WASF3: variants seen among roughly 807,000 people sequenced by gnomAD.
WASF3 encodes WASP family member 3, also known as actin-binding protein WASF3.
Under a neutral mutation model 46.6 loss-of-function variants are expected in WASF3, and 11 were observed. That is an observed-to-expected ratio of 0.24 (90% CI 0.15 to 0.39). The LOEUF is 0.39. Among genes scored for constraint, WASF3 ranks in the 10% least tolerant of loss-of-function variants. WASF3 has a pLI of 1.00. For missense variants in WASF3, 576 were observed against 669.8 expected, an observed-to-expected ratio of 0.86 and a Z score of 1.55; for synonymous variants, 242 against 259.7, an observed-to-expected ratio of 0.93 and a Z score of 0.65.
At chr13:26,617,419 C>G (rs1881168109) in intron 2 of WASF3, among the ~76,000 whole-genome samples, 1 of 151,974 alleles carries the variant, frequency 6.6e-6, no homozygotes, top group Non-Finnish European at 1.5e-5. Context: ...TTTTATCACT[C>G]CTAGTTATTT....
chr13:26,639,755 AG>A (rs1463299715), intron 2 of WASF3: 1 of 152,362 alleles, frequency 6.6e-6, no homozygotes, highest in East Asian at 1.9e-4. Flanking sequence ...AGCTTGTTAC[AG>A]TTCCCAAGAG....
Position 26,685,798 on chromosome 13 carries a change from G to T in WASF3, c.1462G>T (p.Asp488Tyr). The T allele has an allele frequency of 6.2e-7, 1 of 1,614,138 alleles. No homozygotes were observed. Among genetic ancestry groups the T allele is most frequent in the African/African-American group, 1.3e-5 (1 of 75,066 alleles). Residue 488 changes from aspartate to tyrosine, a missense_variant, in exon 10 of 10, where the codon GAC (aspartate) becomes TAC (tyrosine). Transcript: ENST00000335327. Reference protein sequence around the residue: ...LSRRIAVEYSDSDDDSEFDEN... With the variant: ...LSRRIAVEYSYSDDDSEFDEN... ...CCGGCGCATTGCCGTGGAGTACAGC[G>T]ACTCTGACGACGACTCAGAGTTCGA...
At chr13:26,592,025 A>C (rs1382997141) in intron 1 of WASF3, among the ~76,000 whole-genome samples, 2 of 73,216 alleles carry the variant, frequency 2.7e-5, no homozygotes, top group Non-Finnish European at 5.4e-5. Flanking sequence ...GGAGCAGGCG[A>C]GTTTTTTTTT....
At chr13:26,627,037 A>G (rs73489399) in intron 2 of WASF3, among the ~76,000 whole-genome samples, 7,513 of 152,270 alleles carry the variant, frequency 0.049, 638 homozygotes, top group African/African-American at 0.17. Context: ...TAGAAAGCAC[A>G]TTGATATGAT....
At chr13:26,583,034 T>C (rs1880030553) in intron 1 of WASF3, among the ~76,000 whole-genome samples, 1 of 152,228 alleles carries the variant, frequency 6.6e-6, no homozygotes, top group Admixed American at 6.5e-5. Context: ...AAGAAATTAA[T>C]GCTAAAGTGG....
intron 1 of WASF3, among the ~76,000 whole-genome samples, chr13:26,565,771 C>T (rs1203362280): frequency 6.6e-6 from 1 of 152,190 alleles, no homozygotes; most frequent in Admixed American, 6.5e-5. Flanking sequence ...CAAAAGTTGG[C>T]ATTGCAATTT....
chr13:26,665,215 G>A, intron 4 of WASF3, 53 bp downstream of exon 4: 1 of 1,591,078 alleles, frequency 6.3e-7, no homozygotes, highest in South Asian at 1.1e-5. Context: ...CAAGATGGTA[G>A]TAATTAATTG....
intron 1 of WASF3, among the ~76,000 whole-genome samples, chr13:26,584,743 C>G (rs1208140770): frequency 1.3e-5 from 2 of 152,098 alleles, no homozygotes; most frequent in Admixed American, 1.3e-4. Flanking sequence ...GATAATTATT[C>G]AGAAATTTTA....
Position 26,682,753 on chromosome 13 carries a change from C to G in WASF3, c.1130C>G (p.Ser377Cys). 1 of 1,613,464 alleles carries G rather than the reference C, an allele frequency of 6.2e-7. No individual in the cohort carries two copies. The highest frequency in any genetic ancestry group is 1.3e-5 in the African/African-American group (1 of 75,036). The stretch of plus-strand genomic sequence containing the variant: ...CCCCCGTTCCCTGCATCAGCCAGCT[C>G]CACGCACGCAGCTCCTCCTCACCCA... Reference protein sequence around the residue: ...MQPPFPASASSTHAAPPHPPS... With the variant: ...MQPPFPASASCTHAAPPHPPS... The change falls in exon 9 of 10, where the codon TCC becomes TGC. Residue 377 changes from serine to cysteine, a missense_variant. Transcript: ENST00000335327. This position sits in a 1 kb window ranked among gnomAD's most constrained non-coding sequence, Gnocchi z 4.4.
At position 26,675,481 on chromosome 13, in the gene WASF3, TACACACACACACAC is replaced by T. The variant is rs56162218; in HGVS notation, c.541-1039_541-1026del. 8.9e-3 allele frequency among the ~76,000 whole-genome samples: 1,303 copies of T among 145,646 alleles called. 9 individuals are homozygous for T. Among genetic ancestry groups the T allele is most frequent in the South Asian group, 0.014 (61 of 4,406 alleles). ...CCCTGACTTCCAGACTAGACACACATACACACACACACACACACACACACACACACACACACACA... is the reference window on the plus strand; with the variant it reads ...CCCTGACTTCCAGACTAGACACACATACACACACACACACACACACACACA... On this transcript the variant is annotated intron_variant, in intron 6 of 9. Coordinates refer to ENST00000335327, the MANE Select transcript of WASF3 (RefSeq NM_006646.6).
intron 1 of WASF3, chr13:26,576,962 C>G (rs1879816252): frequency 5.4e-6 from 4 of 736,614 alleles, no homozygotes; most frequent in Non-Finnish European, 9.6e-6. Flanking sequence ...GATCCATTTT[C>G]TAAGAAAGAG....
chr13:26,614,273 TC>T lies in WASF3; in HGVS notation c.-11+1217del, dbSNP rs1179919851. Among the ~76,000 whole-genome samples, 4 of 152,302 alleles carry T rather than the reference TC, an allele frequency of 2.6e-5. No homozygotes were observed. The East Asian group carries it at 7.7e-4, about 29-fold the overall frequency. On this transcript the variant is annotated intron_variant, in intron 2 of 9. Transcript: ENST00000335327. ...TACCATAGGAAAATTGAACTTGATT[TC>T]CATACTTTCACTTTACAGGTAATTT...
At chr13:26,576,459 C>G (rs926117304) in intron 1 of WASF3, among the ~76,000 whole-genome samples, 2 of 152,144 alleles carry the variant, frequency 1.3e-5, no homozygotes, top group African/African-American at 4.8e-5. Context: ...AGTACTGAGG[C>G]CTTTGACCTA....
chr13:26,639,447 T>C (rs904034470), intron 2 of WASF3, among the ~76,000 whole-genome samples: 1 of 152,144 alleles, frequency 6.6e-6, no homozygotes, highest in African/African-American at 2.4e-5. Context: ...AATAATCAGG[T>C]TGTGTCGAGG....
chr13:26,647,068 AG>A (rs1882172857), intron 3 of WASF3, among the ~76,000 whole-genome samples: 4 of 152,212 alleles, frequency 2.6e-5, no homozygotes, highest in Admixed American at 1.3e-4. Context: ...CTTCACTTCA[AG>A]GGCCAGAAAT....
At chr13:26,586,669 A>G (rs1277608828) in intron 1 of WASF3, among the ~76,000 whole-genome samples, 1 of 152,196 alleles carries the variant, frequency 6.6e-6, no homozygotes, top group Non-Finnish European at 1.5e-5. Flanking sequence ...GGGATACTCA[A>G]GAAACACCTG....
chr13:26,676,417 T>C, intron 6 of WASF3, 132 bp from the exon 7 acceptor site: 2 of 933,278 alleles, frequency 2.1e-6, no homozygotes, highest in Non-Finnish European at 3.1e-6. Flanking sequence ...TCTGTAACAT[T>C]AGGGTAATCG....
At chr13:26,556,886 C>T (rs990272323), upstream of WASF3, among the ~76,000 whole-genome samples, 14 of 152,234 alleles carry the variant, frequency 9.2e-5, no homozygotes, top group African/African-American at 3.4e-4. Context: ...ATAAAGGTAA[C>T]ATTTCTATTA....
chr13:26,541,214 G>C, the WASF3 span, among the ~76,000 whole-genome samples: 1 of 152,202 alleles, frequency 6.6e-6, no homozygotes, highest in Admixed American at 6.5e-5. Flanking sequence ...ACTGGCCCGA[G>C]AGAGGAGTCA....
Sources: gnomAD v4.1 joint callset for allele counts (sites outside exome capture counted in the v4.1 genomes callset) on GRCh38, gnomAD v4.1.1 for gene constraint, Gnocchi (gnomAD v3.1) non-coding constraint, MANE v1.5 for transcripts, NCBI Gene and HGNC (gene_info 2026-07-23, HGNC 2026-07-21) for gene names.